The following CACNA1A variants were observed in gnomAD, a reference collection of about 807,000 sequenced individuals.
CACNA1A encodes calcium voltage-gated channel subunit alpha1 A, also known as voltage-dependent P/Q-type calcium channel subunit alpha-1A.
A neutral mutation model predicts 262.4 loss-of-function variants in CACNA1A; 57 were observed. The ratio of observed to expected loss-of-function variants is 0.22; its 90% CI spans 0.18 to 0.27. The LOEUF is 0.27. Ranked by LOEUF, CACNA1A falls within the 10% of genes least tolerant of loss-of-function variation. The probability of loss-of-function intolerance (pLI) is 1.00; values close to 1 mark genes in which losing one functional copy is unlikely to be tolerated. For missense variants in CACNA1A, 2,526 were observed against 3,562.8 expected (o/e 0.71, Z 7.41); for synonymous variants, 1,431 against 1,419.3 (o/e 1.01, Z -0.18).
intron 34 of CACNA1A, among the ~76,000 whole-genome samples, chr19:13,233,310 C>T (rs2055739636): frequency 6.6e-6 from 1 of 152,016 alleles, no homozygotes; most frequent in Non-Finnish European, 1.5e-5. Flanking sequence ...GCCCTCTATT[C>T]TTTTTTTGTT....
intron 3 of CACNA1A, among the ~76,000 whole-genome samples, chr19:13,381,090 A>C (rs2059516521): frequency 6.6e-6 from 1 of 152,126 alleles, no homozygotes; most frequent in African/African-American, 2.4e-5. Context: ...GCATTCTAAG[A>C]AGATCGTAGA....
At chr19:13,259,770 C>T in intron 26 of CACNA1A, 69 bp from the exon 27 acceptor site, 2 of 1,555,444 alleles carry the variant, frequency 1.3e-6, no homozygotes, top group Non-Finnish European at 1.8e-6. Context: ...CTTTGGTTAT[C>T]AGAGACAGGG....
intron 38 of CACNA1A, among the ~76,000 whole-genome samples, chr19:13,222,972 C>A (rs931268704): frequency 6.6e-6 from 1 of 152,090 alleles, no homozygotes. Flanking sequence ...GGATTACAGG[C>A]GTAAGCCACT....
chr19:13,396,393 C>A (rs2059812005), intron 3 of CACNA1A, among the ~76,000 whole-genome samples: 1 of 152,218 alleles, frequency 6.6e-6, no homozygotes. Context: ...AAAACTGCCT[C>A]TTGTGCTGTT....
chr19:13,283,094 T>A (rs1016047337), intron 22 of CACNA1A, among the ~76,000 whole-genome samples, 173 bp downstream of exon 22: 1 of 152,124 alleles, frequency 6.6e-6, no homozygotes, highest in Admixed American at 6.5e-5. Flanking sequence ...AATGTCTTGC[T>A]CCCAAGAGCA....
intron 1 of CACNA1A, among the ~76,000 whole-genome samples, chr19:13,464,219 C>G (rs2061177650): frequency 6.6e-6 from 1 of 152,094 alleles, no homozygotes; most frequent in South Asian, 2.1e-4. Context: ...AAGATCCTGT[C>G]TCTACAAAAA....
chr19:13,353,235 C>T (rs1254881540), intron 6 of CACNA1A, among the ~76,000 whole-genome samples: 1 of 151,952 alleles, frequency 6.6e-6, no homozygotes, highest in Non-Finnish European at 1.5e-5. Flanking sequence ...CCTCCTGTCT[C>T]AGCCTCCTGA....
intron 24 of CACNA1A, among the ~76,000 whole-genome samples, chr19:13,263,960 T>C (rs894307597): frequency 1.3e-5 from 2 of 152,108 alleles, no homozygotes; most frequent in East Asian, 1.9e-4. Context: ...TCCCTGAGTC[T>C]GAAGGAGGGA....
At chr19:13,441,730 C>T (rs949914135) in intron 3 of CACNA1A, among the ~76,000 whole-genome samples, 1 of 151,900 alleles carries the variant, frequency 6.6e-6, no homozygotes, top group Non-Finnish European at 1.5e-5. Flanking sequence ...CTTGGTCTCC[C>T]GGCTTCAAGC....
intron 4 of CACNA1A, chr19:13,366,299 T>A (rs1204965890): frequency 6.6e-6 from 1 of 151,950 alleles, no homozygotes; most frequent in Non-Finnish European, 1.5e-5. Context: ...CTTTAAAGTA[T>A]TTATTTATTT....
chr19:13,245,312 T>TCCCGGCCC (rs1177504706), intron 30 of CACNA1A, 47 bp from the exon 31 acceptor site: 1 of 1,519,440 alleles, frequency 6.6e-7, no homozygotes, highest in East Asian at 2.2e-5. Flanking sequence ...AGGGCTTGGT[T>TCCCGGCCC]CCCGGCCCCC....
intron 26 of CACNA1A, chr19:13,260,565 G>T (rs2056710280): frequency 6.6e-6 from 1 of 151,776 alleles, no homozygotes; most frequent in African/African-American, 2.4e-5. Flanking sequence ...AGCCAGGATG[G>T]TCTCGATCTC....
At chr19:13,287,975 A>C (rs1475745926) in intron 19 of CACNA1A, among the ~76,000 whole-genome samples, 1 of 151,478 alleles carries the variant, frequency 6.6e-6, no homozygotes, top group Non-Finnish European at 1.5e-5. Flanking sequence ...CTAATTTTAC[A>C]ATTTTTTGTA....
At chr19:13,400,366 C>G (rs1355362569) in intron 3 of CACNA1A, among the ~76,000 whole-genome samples, 1 of 152,134 alleles carries the variant, frequency 6.6e-6, no homozygotes, top group East Asian at 1.9e-4. Flanking sequence ...CCAATTACCC[C>G]TGTCTTGACC....
At chr19:13,492,597 G>T (rs1367780612) in intron 1 of CACNA1A, among the ~76,000 whole-genome samples, 1 of 152,152 alleles carries the variant, frequency 6.6e-6, no homozygotes, top group Non-Finnish European at 1.5e-5. Context: ...ACTGCAGTGT[G>T]ATCAGTGTTG....
intron 3 of CACNA1A, among the ~76,000 whole-genome samples, chr19:13,425,216 C>T (rs2060381560): frequency 6.6e-6 from 1 of 152,138 alleles, no homozygotes; most frequent in Admixed American, 6.6e-5. Context: ...CAAGAAAGGC[C>T]TGACAATTAG....
intron 3 of CACNA1A, among the ~76,000 whole-genome samples, chr19:13,380,732 GGTTTGTTTGTTT>G (rs576457560): frequency 2.2e-5 from 3 of 136,858 alleles, no homozygotes; most frequent in Middle Eastern, 3.8e-3. Context: ...TTCATTTATT[GGTTTGTTTGTTT>G]GTTTGTTTAT....
chr19:13,353,376 C>T (rs2058949727), intron 6 of CACNA1A, among the ~76,000 whole-genome samples: 1 of 151,414 alleles, frequency 6.6e-6, no homozygotes, highest in African/African-American at 2.4e-5. Flanking sequence ...AAGTGATCCA[C>T]CCATCTCAGA....
At chr19:13,313,062 T>C (rs780743439) in intron 11 of CACNA1A, among the ~76,000 whole-genome samples, 1 of 152,000 alleles carries the variant, frequency 6.6e-6, no homozygotes, top group Non-Finnish European at 1.5e-5. Flanking sequence ...GGTCTCACTA[T>C]GTTGCCCTGG....
Sources: gnomAD v4.1 joint callset for allele counts (sites outside exome capture counted in the v4.1 genomes callset) on GRCh38, gnomAD v4.1.1 for gene constraint, MANE v1.5 for transcripts, NCBI Gene and HGNC (gene_info 2026-07-23, HGNC 2026-07-21) for gene names.